Variants in CTNNA2 observed in about 807,000 individuals in gnomAD.
CTNNA2 encodes catenin alpha 2.
CTNNA2 carries 42 observed loss-of-function variants against 101.0 expected under a neutral mutation model. That is an observed-to-expected ratio of 0.42 (90% CI 0.32 to 0.54). The LOEUF is 0.54. Among genes scored for constraint, CTNNA2 ranks in the 20% least tolerant of loss-of-function variants. The pLI is 0.14. For synonymous variants in CTNNA2, 450 were observed against 456.4 expected (o/e 0.99, Z 0.18); for missense variants, 871 against 1,223.1 (o/e 0.71, Z 4.29).
chr2:79,395,786 T>G (rs974597056), intron 4 of CTNNA2, among the ~76,000 whole-genome samples: 3 of 152,142 alleles, frequency 2.0e-5, no homozygotes, highest in Non-Finnish European at 2.9e-5. Context: ...AATCAAGAGC[T>G]TGATATGTTT....
chr2:79,387,724 C>CTGGCCAAAGA (rs57528929), intron 4 of CTNNA2, among the ~76,000 whole-genome samples: 12,176 of 152,086 alleles, frequency 0.08, 1,584 homozygotes, highest in African/African-American at 0.28. Context: ...CAAAACCTGG[C>CTGGCCAAAGA]GGCAGAGCTC....
intron 7 of CTNNA2, among the ~76,000 whole-genome samples, chr2:80,340,427 C>G (rs1177070271): frequency 6.6e-6 from 1 of 152,178 alleles, no homozygotes; most frequent in African/African-American, 2.4e-5. Flanking sequence ...TGAATACCCT[C>G]TTATAATGGT....
At chr2:79,409,761 T>C (rs200112945) in intron 4 of CTNNA2, among the ~76,000 whole-genome samples, 9,079 of 88,500 alleles carry the variant, frequency 0.1, no homozygotes, top group South Asian at 0.13. Context: ...TCTTTTGGCT[T>C]AGGATTGACT....
At chr2:79,769,080 C>G (rs187659545) in intron 3 of CTNNA2, among the ~76,000 whole-genome samples, 2 of 152,292 alleles carry the variant, frequency 1.3e-5, no homozygotes, top group African/African-American at 4.8e-5. Flanking sequence ...TGGTCTCGAT[C>G]TCCTGACCTC....
intron 1 of CTNNA2, among the ~76,000 whole-genome samples, chr2:79,528,576 T>C (rs2103917325): frequency 6.6e-6 from 1 of 152,258 alleles, no homozygotes; most frequent in Admixed American, 6.6e-5. Context: ...ATGCCTATAA[T>C]GTAAGGCAAA....
At chr2:80,213,076 T>G (rs187636850) in intron 7 of CTNNA2, among the ~76,000 whole-genome samples, 24 of 152,322 alleles carry the variant, frequency 1.6e-4, no homozygotes, top group Admixed American at 1.2e-3. Context: ...TTATCATTTT[T>G]TATTGTGTCT....
chr2:80,245,872 G>A (rs1671291320), intron 7 of CTNNA2, among the ~76,000 whole-genome samples: 2 of 118,978 alleles, frequency 1.7e-5, no homozygotes, highest in South Asian at 6.6e-4. Context: ...TCGGCTCACT[G>A]CAAGCTCTGC....
intron 7 of CTNNA2, among the ~76,000 whole-genome samples, chr2:80,315,604 A>G (rs1016242541): frequency 2.0e-5 from 3 of 152,180 alleles, no homozygotes; most frequent in Non-Finnish European, 2.9e-5. Context: ...AAGAGCAGCA[A>G]AGGAGAAGTC....
At chr2:79,808,911 G>T in intron 3 of CTNNA2, among the ~76,000 whole-genome samples, 1 of 151,960 alleles carries the variant, frequency 6.6e-6, no homozygotes, top group East Asian at 1.9e-4. Flanking sequence ...TCTACATTAG[G>T]TATTTCTCCT....
chr2:79,324,682 G>A (rs928970158), intron 3 of CTNNA2, among the ~76,000 whole-genome samples: 1 of 151,918 alleles, frequency 6.6e-6, no homozygotes, highest in Non-Finnish European at 1.5e-5. Flanking sequence ...GGCAGTCCCA[G>A]TAGGTCCCTG....
At chr2:79,511,441 ATCGTGT>A (rs1671537229), upstream of CTNNA2, among the ~76,000 whole-genome samples, 1 of 152,170 alleles carries the variant, frequency 6.6e-6, no homozygotes, top group African/African-American at 2.4e-5. Context: ...CATGAAGCAC[ATCGTGT>A]GCCTTTAGCG....
intron 7 of CTNNA2, among the ~76,000 whole-genome samples, chr2:80,296,028 T>C (rs986758801): frequency 2.6e-5 from 4 of 152,168 alleles, no homozygotes; most frequent in African/African-American, 4.8e-5. Context: ...ACTGAGCACA[T>C]TGATTTTTTT....
chr2:79,529,720 A>G (rs1672628253), intron 1 of CTNNA2, among the ~76,000 whole-genome samples: 1 of 151,264 alleles, frequency 6.6e-6, no homozygotes, highest in Non-Finnish European at 1.5e-5. Flanking sequence ...GAAATATGTT[A>G]CTCCTACTTT....
chr2:80,006,671 G>A (rs1693376709), intron 7 of CTNNA2, among the ~76,000 whole-genome samples: 1 of 152,156 alleles, frequency 6.6e-6, no homozygotes, highest in Non-Finnish European at 1.5e-5. Flanking sequence ...CATCTAACAG[G>A]AGAGTTTCCA....
intron 7 of CTNNA2, among the ~76,000 whole-genome samples, chr2:79,951,969 A>G (rs1478685970): frequency 6.6e-6 from 1 of 152,094 alleles, no homozygotes; most frequent in Non-Finnish European, 1.5e-5. Context: ...TGCTCATTTC[A>G]TAGGCCATGC....
intron 7 of CTNNA2, among the ~76,000 whole-genome samples, chr2:80,206,529 GA>G (rs1229911468): frequency 6.6e-6 from 1 of 152,210 alleles, no homozygotes; most frequent in Non-Finnish European, 1.5e-5. Context: ...CTTCTGTGGA[GA>G]AGCAACAAAA....
At chr2:80,619,047 T>G in intron 17 of CTNNA2, 38 bp from the exon 18 acceptor site, 1 of 1,281,566 alleles carries the variant, frequency 7.8e-7, no homozygotes, top group Non-Finnish European at 1.0e-6. Flanking sequence ...TTTTGCTCTC[T>G]CTCTCATTCT....
intron 1 of CTNNA2, among the ~76,000 whole-genome samples, chr2:79,518,436 T>C (rs905672194): frequency 6.6e-6 from 1 of 152,198 alleles, no homozygotes; most frequent in African/African-American, 2.4e-5. Flanking sequence ...GCTTCTGAGA[T>C]GTTCATATTC....
chr2:79,528,182 T>C (rs1672529153), intron 1 of CTNNA2, among the ~76,000 whole-genome samples: 1 of 147,236 alleles, frequency 6.8e-6, no homozygotes, highest in African/African-American at 2.5e-5. Flanking sequence ...TGAACGCTAA[T>C]GGGTACACGT....
Sources: allele counts gnomAD v4.1 joint callset (sites outside exome capture counted in the v4.1 genomes callset), GRCh38; gene constraint gnomAD v4.1.1; transcripts MANE v1.5; gene names NCBI Gene and HGNC (gene_info 2026-07-23, HGNC 2026-07-21).